Variants in PRDM10 observed in about 807,000 individuals in gnomAD.
PRDM10 encodes PR/SET domain 10.
Under a neutral mutation model 133.1 loss-of-function variants are expected in PRDM10, and 65 were observed. The observed-to-expected ratio is 0.49, with a 90% CI of 0.40 to 0.60. The LOEUF (loss-of-function observed/expected upper bound fraction) is 0.60, where lower values mean the gene tolerates loss of function less well. Among genes scored for constraint, PRDM10 ranks in the 20% least tolerant of loss-of-function variants. The pLI, the probability that PRDM10 is intolerant of heterozygous loss-of-function variation, is 0.00. For missense variants in PRDM10, 1,137 were observed against 1,507.1 expected (o/e 0.75, Z 4.07); for synonymous variants, 582 against 580.4 (o/e 1.00, Z -0.04).
chr11:129,985,518 AC>A (rs1938361519), intron 1 of PRDM10, among the ~76,000 whole-genome samples: 2 of 152,006 alleles, frequency 1.3e-5, no homozygotes, highest in Admixed American at 6.6e-5. Flanking sequence ...TGGGCAGGGC[AC>A]AGTGGCTCAT....
chr11:129,976,703 A>T (rs1270707172), intron 1 of PRDM10, among the ~76,000 whole-genome samples: 2 of 152,250 alleles, frequency 1.3e-5, no homozygotes, highest in Non-Finnish European at 1.5e-5. Flanking sequence ...TAATAGAAGG[A>T]GAGAGTTTCC....
intron 6 of PRDM10, 135 bp downstream of exon 6, chr11:129,944,636 A>T: frequency 7.7e-7 from 1 of 1,305,038 alleles, no homozygotes; most frequent in Non-Finnish European, 1.1e-6. Context: ...GTTTCCATTT[A>T]ACCAAGTTAA....
intron 1 of PRDM10, among the ~76,000 whole-genome samples, chr11:129,996,712 G>A (rs1395186794): frequency 6.6e-6 from 1 of 152,208 alleles, no homozygotes; most frequent in African/African-American, 2.4e-5. Flanking sequence ...ACAGCAGAGA[G>A]AGAAAATCCC....
At chr11:129,992,993 T>G (rs76637368) in intron 1 of PRDM10, among the ~76,000 whole-genome samples, 1 of 152,364 alleles carries the variant, frequency 6.6e-6, no homozygotes, top group East Asian at 1.9e-4. Flanking sequence ...CATGCATTTC[T>G]CTAATATTGG....
intron 1 of PRDM10, among the ~76,000 whole-genome samples, chr11:129,964,587 C>G (rs1951866852): frequency 4.6e-5 from 7 of 152,208 alleles, no homozygotes; most frequent in Admixed American, 4.6e-4. Flanking sequence ...TCTTGTTTGT[C>G]CCATGTAATA....
At chr11:129,906,656 A>C (rs1426708818) in intron 19 of PRDM10, among the ~76,000 whole-genome samples, 1 of 152,194 alleles carries the variant, frequency 6.6e-6, no homozygotes, top group Non-Finnish European at 1.5e-5. Flanking sequence ...TTCTTTATAA[A>C]AGTTTTCTAG....
chr11:129,923,175 A>T lies in PRDM10; in HGVS notation c.2034+73T>A. The T allele has an allele frequency of 6.9e-7, 1 of 1,444,098 alleles. No individual in the cohort carries two copies. The highest frequency in any genetic ancestry group is 2.6e-5 in the East Asian group (1 of 38,032). 89.5% of individuals were successfully genotyped at this position (1,444,098 alleles called of 1,614,324 possible). ...TGGGTGATAAACTGATGAAATGAAC[A>T]GGCATTTACCCTCAGCTTGCTATAA... On this transcript the variant is annotated intron_variant, in intron 13 of 20. Coordinates refer to ENST00000360871, the MANE Select transcript of PRDM10 (RefSeq NM_199437.2). The surrounding 1 kb of genome is among the most constrained non-coding windows in gnomAD (Gnocchi z 4.4).
intron 1 of PRDM10, among the ~76,000 whole-genome samples, chr11:129,985,793 A>AT (rs1938380637): frequency 8.3e-6 from 1 of 121,190 alleles, no homozygotes; most frequent in African/African-American, 3.9e-5. Flanking sequence ...AAAAAAAAAA[A>AT]AAAAAAAAAA....
At chr11:129,972,925 C>G (rs1937601905) in intron 1 of PRDM10, among the ~76,000 whole-genome samples, 2 of 152,150 alleles carry the variant, frequency 1.3e-5, no homozygotes, top group African/African-American at 2.4e-5. Context: ...ACTCGTCCTT[C>G]AAAAACCCAG....
chr11:130,001,215 C>G (rs192608158), intron 1 of PRDM10, among the ~76,000 whole-genome samples: 1 of 152,234 alleles, frequency 6.6e-6, no homozygotes, highest in East Asian at 1.9e-4. Flanking sequence ...CTTGTTTTCT[C>G]TATTCTAGAA....
intron 1 of PRDM10, among the ~76,000 whole-genome samples, chr11:129,984,856 G>A (rs1490642009): frequency 1.3e-5 from 2 of 152,198 alleles, no homozygotes; most frequent in Admixed American, 1.3e-4. Flanking sequence ...CCTCTGCGAG[G>A]ATGCTTTCTC....
chr11:129,943,885 C>T (rs1485706804), intron 6 of PRDM10, among the ~76,000 whole-genome samples: 5 of 151,952 alleles, frequency 3.3e-5, no homozygotes, highest in East Asian at 3.9e-4. Context: ...CCCAGCTACT[C>T]GGGAGGCTGA....
intron 2 of PRDM10, among the ~76,000 whole-genome samples, chr11:129,958,791 A>C (rs1951744073): frequency 6.6e-6 from 1 of 152,230 alleles, no homozygotes; most frequent in Non-Finnish European, 1.5e-5. Flanking sequence ...AAGACACAGA[A>C]AATTCTAATA....
intron 17 of PRDM10, 191 bp downstream of exon 17, chr11:129,914,513 C>T: frequency 1.2e-6 from 1 of 801,516 alleles, no homozygotes; most frequent in African/African-American, 1.7e-5. Flanking sequence ...CTACTATAGA[C>T]AGAAATCTCT....
intron 19 of PRDM10, among the ~76,000 whole-genome samples, chr11:129,909,063 T>C (rs1241728437): frequency 6.6e-6 from 1 of 151,996 alleles, no homozygotes; most frequent in South Asian, 2.1e-4. Context: ...TTACACTGAG[T>C]ACAGAGGTCA....
intron 1 of PRDM10, among the ~76,000 whole-genome samples, chr11:129,974,819 A>T (rs969216917): frequency 6.6e-6 from 1 of 152,270 alleles, no homozygotes; most frequent in Non-Finnish European, 1.5e-5. Flanking sequence ...GTCTGTACAT[A>T]CAGCGGAATA....
intron 1 of PRDM10, among the ~76,000 whole-genome samples, chr11:129,996,438 C>G (rs1231549697): frequency 6.6e-6 from 1 of 152,168 alleles, no homozygotes; most frequent in African/African-American, 2.4e-5. Context: ...TTTCCTGACA[C>G]AGGAAAGTTA....
intron 19 of PRDM10, among the ~76,000 whole-genome samples, chr11:129,907,788 G>A (rs1014418501): frequency 8.6e-5 from 13 of 151,908 alleles, no homozygotes; most frequent in Non-Finnish European, 1.8e-4. Flanking sequence ...TATATTTGTG[G>A]GTATTAAAGA....
At chr11:129,972,978 C>G (rs529123515) in intron 1 of PRDM10, among the ~76,000 whole-genome samples, 2 of 152,282 alleles carry the variant, frequency 1.3e-5, no homozygotes, top group African/African-American at 4.8e-5. Flanking sequence ...GCCCTCCCTC[C>G]TTGTTACAAA....
Sources: allele counts gnomAD v4.1 joint callset (sites outside exome capture counted in the v4.1 genomes callset), GRCh38; gene constraint gnomAD v4.1.1; non-coding constraint Gnocchi (gnomAD v3.1); transcripts MANE v1.5; gene names NCBI Gene and HGNC (gene_info 2026-07-23, HGNC 2026-07-21).